Variants in SPRY3 observed in about 807,000 individuals in gnomAD.
SPRY3 encodes the protein sprouty RTK signaling antagonist 3.
A neutral mutation model predicts 20.2 loss-of-function variants in SPRY3; 15 were observed. The observed-to-expected ratio is 0.74, with a 90% CI of 0.50 to 1.14. The LOEUF (loss-of-function observed/expected upper bound fraction) is 1.14, where lower values mean the gene tolerates loss of function less well. Among genes scored for constraint, SPRY3 ranks in the 50% most tolerant of loss-of-function variants. The pLI is 0.00. For synonymous variants in SPRY3, 143 were observed against 136.5 expected, an observed-to-expected ratio of 1.05 and a Z score of -0.33; for missense variants, 364 against 363.9, an observed-to-expected ratio of 1.00 and a Z score of 0.00.
chrX:155,779,357 G>A (rs1200388300), downstream of SPRY3: 1 of 166,996 alleles, frequency 6.0e-6, no homozygotes, highest in Non-Finnish European at 1.5e-5. Context: ...TTCCTTCGAA[G>A]TAAGTTAGAG....
At chrX:155,705,812 T>A (rs2090946776) in intron 2 of SPRY3, among the ~76,000 whole-genome samples, 1 of 151,232 alleles carries the variant, frequency 6.6e-6, no homozygotes, top group Non-Finnish European at 1.5e-5. Flanking sequence ...CCAAAAGACA[T>A]AATCCAAAAG....
intron 1 of SPRY3, among the ~76,000 whole-genome samples, chrX:155,639,030 T>A (rs1236002573): frequency 2.7e-5 from 3 of 111,630 alleles, no homozygotes; most frequent in Non-Finnish European, 5.6e-5. Context: ...GACAACTGCT[T>A]CCTCCTTTTG....
At chrX:155,668,890 T>A (rs1391936867) in intron 2 of SPRY3, among the ~76,000 whole-genome samples, 1 of 110,790 alleles carries the variant, frequency 9.0e-6, no homozygotes, top group Non-Finnish European at 1.9e-5. Flanking sequence ...ATTGTTCATG[T>A]TATAAAGGTT....
rs1557354118 is a variant in SPRY3 at position 155,664,658 on chromosome X, T to G, written c.-282+7633T>G. ...GTGTTAGGATATTTGGTTACCCTTA[T>G]GGAAACAGATAAAATTAGATCAATA... On this transcript the variant is annotated intron_variant, in intron 2 of 3. Transcript: ENST00000675360. Among the ~76,000 whole-genome samples the G allele has an allele frequency of 2.7e-5, 3 of 110,469 alleles. No homozygotes were observed. The South Asian group carries it at 1.1e-3, about 42-fold the overall frequency.
chrX:155,729,914 C>T (rs2091122437), intron 2 of SPRY3, among the ~76,000 whole-genome samples: 1 of 152,064 alleles, frequency 6.6e-6, no homozygotes, highest in African/African-American at 2.4e-5. Context: ...TTAATAGTGG[C>T]TACTATGAGC....
chrX:155,758,178 T>A (rs766364864), intron 2 of SPRY3, among the ~76,000 whole-genome samples: 1 of 152,338 alleles, frequency 6.6e-6, no homozygotes, highest in South Asian at 2.1e-4. Context: ...ACCTACTACA[T>A]GGCATACCAT....
chrX:155,757,909 C>G (rs1325441732), intron 2 of SPRY3, among the ~76,000 whole-genome samples: 1 of 152,166 alleles, frequency 6.6e-6, no homozygotes, highest in Non-Finnish European at 1.5e-5. Context: ...TCCTCCACAT[C>G]TCAGTAAATG....
chrX:155,738,597 C>T (rs1236895488), intron 2 of SPRY3, among the ~76,000 whole-genome samples: 1 of 152,112 alleles, frequency 6.6e-6, no homozygotes, highest in Non-Finnish European at 1.5e-5. Context: ...GGGGTGATGG[C>T]CCACCCAGAA....
intron 1 of SPRY3, among the ~76,000 whole-genome samples, chrX:155,619,664 A>G (rs1557349247): frequency 1.8e-5 from 2 of 111,715 alleles, no homozygotes; most frequent in Admixed American, 9.5e-5. Context: ...AAAAAAAATC[A>G]TTAACCATAA....
intron 2 of SPRY3, among the ~76,000 whole-genome samples, chrX:155,658,903 A>C (rs1205832728): frequency 9.0e-6 from 1 of 111,358 alleles, no homozygotes; most frequent in African/African-American, 3.3e-5. Context: ...AAGGGTACTA[A>C]ATTTTATCAA....
intron 2 of SPRY3, among the ~76,000 whole-genome samples, chrX:155,688,532 C>G (rs1251755097): frequency 9.0e-6 from 1 of 110,963 alleles, no homozygotes; most frequent in African/African-American, 3.3e-5. Flanking sequence ...TCTTCAAAAC[C>G]TTTCCAGCAT....
At chrX:155,734,380 T>G (rs1278072232) in intron 2 of SPRY3, among the ~76,000 whole-genome samples, 1 of 151,986 alleles carries the variant, frequency 6.6e-6, no homozygotes, top group African/African-American at 2.4e-5. Context: ...CACACAACAT[T>G]GATCAGTTAA....
intron 2 of SPRY3, among the ~76,000 whole-genome samples, chrX:155,667,698 G>T (rs782094152): frequency 9.0e-6 from 1 of 110,917 alleles, no homozygotes; most frequent in African/African-American, 3.3e-5. Flanking sequence ...CAGAGTAGAA[G>T]ATAATTACAA....
At chrX:155,728,806 C>T (rs889334918) in intron 2 of SPRY3, among the ~76,000 whole-genome samples, 2 of 152,108 alleles carry the variant, frequency 1.3e-5, no homozygotes, top group African/African-American at 2.4e-5. Context: ...ACTCGCCCAC[C>T]GTGGGCTGGA....
intron 1 of SPRY3, among the ~76,000 whole-genome samples, chrX:155,616,149 CTT>C (rs1491318419): frequency 9.4e-5 from 6 of 63,893 alleles, no homozygotes; most frequent in African/African-American, 2.6e-4. Flanking sequence ...CTCTCTCTCT[CTT>C]CTCTCTCTCT....
At chrX:155,730,564 A>G (rs1316524085) in intron 2 of SPRY3, among the ~76,000 whole-genome samples, 1 of 152,148 alleles carries the variant, frequency 6.6e-6, no homozygotes, top group Non-Finnish European at 1.5e-5. Context: ...CATATATGAC[A>G]GACCCACAGC....
chrX:155,759,116 A>G (rs968226500), intron 2 of SPRY3, among the ~76,000 whole-genome samples: 12 of 149,558 alleles, frequency 8.0e-5, no homozygotes, highest in Admixed American at 2.7e-4. Flanking sequence ...GCTGGAGTGC[A>G]GTGGCACAAT....
intron 1 of SPRY3, among the ~76,000 whole-genome samples, chrX:155,641,397 G>A (rs1238641126): frequency 1.8e-5 from 2 of 112,979 alleles, no homozygotes; most frequent in Non-Finnish European, 3.7e-5. Context: ...ATGTTGTAAC[G>A]CCAAAGATTC....
intron 2 of SPRY3, among the ~76,000 whole-genome samples, chrX:155,711,865 C>A (rs1187491132): frequency 1.3e-5 from 2 of 151,152 alleles, no homozygotes; most frequent in African/African-American, 4.8e-5. Context: ...TCTAGTACTG[C>A]TTTTGCTGTA....
Sources: gnomAD v4.1 joint callset for allele counts (sites outside exome capture counted in the v4.1 genomes callset) on GRCh38, gnomAD v4.1.1 for gene constraint, MANE v1.5 for transcripts, NCBI Gene and HGNC (gene_info 2026-07-23, HGNC 2026-07-21) for gene names.